The following CREBBP variants were observed in gnomAD, a reference collection of about 807,000 sequenced individuals.
The protein encoded by CREBBP is CREB-binding protein.
In CREBBP, 19 loss-of-function variants were observed where a neutral mutation model predicts 265.0. The ratio of observed to expected loss-of-function variants is 0.07; its 90% CI spans 0.05 to 0.11. CREBBP has a LOEUF of 0.11. Ranked by LOEUF, CREBBP falls within the 10% of genes least tolerant of loss-of-function variation. The pLI is 1.00. For missense variants in CREBBP, 2,525 were observed against 3,219.0 expected, an observed-to-expected ratio of 0.78 and a Z score of 5.22; for synonymous variants, 1,457 against 1,223.7, an observed-to-expected ratio of 1.19 and a Z score of -3.98.
chr16:3,855,415 C>T (rs1373503072), intron 1 of CREBBP, among the ~76,000 whole-genome samples: 3 of 152,172 alleles, frequency 2.0e-5, no homozygotes, highest in Non-Finnish European at 4.4e-5. Flanking sequence ...CAGGCGTGCA[C>T]CACCGCACCC....
Position 3,782,733 on chromosome 16 carries a change from T to C in CREBBP, c.1524A>G (p.Gln508=). 1 of 1,614,178 alleles carries C rather than the reference T, an allele frequency of 6.2e-7. No homozygotes were observed. The highest frequency in any genetic ancestry group is 1.1e-5 in the South Asian group (1 of 91,086). ...GCTGGTGGGTTTGAGGCTGTGCTGG[T>C]TGCTGGCCAGGAACCTGAGGCTGCA... ...TQLQPQVPGQ[Q]PAQPQTHQQM... is the part of the protein sequence containing the mutation. The change falls in exon 6 of 31, where the codon CAA becomes CAG. Residue 508 remains glutamine (Q), a synonymous_variant. Transcript: ENST00000262367.
At chr16:3,799,397 T>G (rs2053669530) in intron 3 of CREBBP, among the ~76,000 whole-genome samples, 1 of 152,270 alleles carries the variant, frequency 6.6e-6, no homozygotes, top group Non-Finnish European at 1.5e-5. Flanking sequence ...ATGTTTAATC[T>G]ATCTATATGG....
intron 2 of CREBBP, among the ~76,000 whole-genome samples, chr16:3,811,369 C>T (rs1255597416): frequency 1.3e-5 from 2 of 152,174 alleles, no homozygotes; most frequent in Non-Finnish European, 2.9e-5. Context: ...CTCTGCCAAC[C>T]AAGAGATCAA....
At chr16:3,822,104 T>C (rs896752447) in intron 2 of CREBBP, among the ~76,000 whole-genome samples, 12 of 152,156 alleles carry the variant, frequency 7.9e-5, no homozygotes, top group South Asian at 4.1e-4. Context: ...TAATTTACAC[T>C]GCAATCCAAC....
chr16:3,816,049 C>A (rs543978732), intron 2 of CREBBP, among the ~76,000 whole-genome samples: 1 of 152,128 alleles, frequency 6.6e-6, no homozygotes, highest in Non-Finnish European at 1.5e-5. Context: ...ACAGCCCATA[C>A]ATATTAGAAG....
rs1190355453 is a variant in CREBBP, at chr16:3,726,869, G to A, written c.*849C>T. ...ACAATATGATATAAGAAATGAGTTG[G>A]TATTTTACCATTCTATACAGTGATT... On this transcript the variant is annotated 3_prime_UTR_variant, in exon 31 of 31. Transcript: ENST00000262367. 1 of 233,436 alleles carries A rather than the reference G, an allele frequency of 4.3e-6. No individual in the cohort carries two copies. Among genetic ancestry groups the A allele is most frequent in the African/African-American group, 2.2e-5 (1 of 45,316 alleles). 14.5% of individuals were successfully genotyped at this position (233,436 alleles called of 1,614,324 possible).
intron 18 of CREBBP, 78 bp from the exon 19 acceptor site, chr16:3,757,454 G>T: frequency 8.5e-7 from 1 of 1,179,730 alleles, no homozygotes; most frequent in Non-Finnish European, 1.2e-6. Context: ...GTCTACTATA[G>T]AGACTAGTAA....
At chr16:3,733,753 T>C (rs549751287) in intron 28 of CREBBP, among the ~76,000 whole-genome samples, 12 of 152,266 alleles carry the variant, frequency 7.9e-5, no homozygotes, top group African/African-American at 2.6e-4. Flanking sequence ...GTGATTCTCC[T>C]GCCTCAGCCT....
In CREBBP at chr16:3,802,114, A is replaced by ATTTTTTTTTTTTTTTTTTT. The variant is rs71133657; in HGVS notation, c.975+8470_975+8488dup. On this transcript the variant is annotated intron_variant, in intron 3 of 30. Coordinates refer to ENST00000262367, the MANE Select transcript of CREBBP (RefSeq NM_004380.3). ...TTTATATTTACTCTGGTATTCCTTA[A>ATTTTTTTTTTTTTTTTTTT]TTTTTTTTTTTTTTTTTTTTTTTTT... Among the ~76,000 whole-genome samples, 10 of 50,580 alleles carry ATTTTTTTTTTTTTTTTTTT rather than the reference A, an allele frequency of 2.0e-4. 3 individuals carry two copies. Among genetic ancestry groups the ATTTTTTTTTTTTTTTTTTT allele is most frequent in the African/African-American group, 7.4e-4 (8 of 10,782 alleles). 33.2% of individuals were successfully genotyped at this position (50,580 alleles called of 152,430 possible).
chr16:3,838,556 C>A (rs1055094179), intron 2 of CREBBP, among the ~76,000 whole-genome samples: 29 of 152,026 alleles, frequency 1.9e-4, no homozygotes, highest in African/African-American at 6.8e-4. Context: ...AAATACTACT[C>A]CAACTTTGAC....
chr16:3,737,333 G>C (rs2052088102), intron 26 of CREBBP, among the ~76,000 whole-genome samples: 1 of 152,238 alleles, frequency 6.6e-6, no homozygotes, highest in African/African-American at 2.4e-5. Flanking sequence ...ATACGCTGCA[G>C]GGTTCCGTTT....
chr16:3,771,968 G>A (rs2141208444), intron 13 of CREBBP, among the ~76,000 whole-genome samples: 1 of 151,930 alleles, frequency 6.6e-6, no homozygotes, highest in South Asian at 2.1e-4. Flanking sequence ...GCAATACCAT[G>A]CCTAGCTAAT....
At chr16:3,777,723 G>T (rs1311566015) in intron 10 of CREBBP, 66 bp from the exon 11 acceptor site, 2 of 1,579,102 alleles carry the variant, frequency 1.3e-6, no homozygotes, top group African/African-American at 2.7e-5. Flanking sequence ...CTTGATTCAG[G>T]AATAGGAAAT....
Position 3,770,159 on chromosome 16 carries a change from C to T in CREBBP, c.2880+411G>A, listed in dbSNP as rs183098297. 1.2e-4 allele frequency among the ~76,000 whole-genome samples: 18 copies of T among 152,270 alleles called. No individual in the cohort carries two copies. In the East Asian group the frequency reaches 1.9e-3, roughly 16 times the overall value. ...TAGTGGGATTACAGGCGTGAACCAC[C>T]GCGCCCAGCCTCAATGGAGTTTTAA... On this transcript the variant is annotated intron_variant, in intron 14 of 30. Transcript: ENST00000262367.
chr16:3,776,263 T>C (rs2053136090), intron 11 of CREBBP, among the ~76,000 whole-genome samples: 1 of 152,142 alleles, frequency 6.6e-6, no homozygotes, highest in African/African-American at 2.4e-5. Flanking sequence ...GCAAAGCCTC[T>C]TTCCTTAGAG....
intron 10 of CREBBP, 49 bp from the exon 11 acceptor site, chr16:3,777,706 T>C (rs761118358): frequency 1.0e-5 from 16 of 1,601,834 alleles, no homozygotes; most frequent in Middle Eastern, 1.6e-4. Flanking sequence ...AGTTATTTAA[T>C]ATAATCCTTG....
intron 1 of CREBBP, among the ~76,000 whole-genome samples, chr16:3,871,288 G>A (rs1031641931): frequency 5.9e-5 from 9 of 151,816 alleles, no homozygotes; most frequent in Admixed American, 3.9e-4. Context: ...CAGCGCTGCC[G>A]AGCTGGGAGC....
intron 3 of CREBBP, among the ~76,000 whole-genome samples, chr16:3,800,838 TA>T (rs1467847719): frequency 1.3e-5 from 2 of 152,220 alleles, no homozygotes; most frequent in African/African-American, 4.8e-5. Context: ...GAGGCTAGAT[TA>T]CATAAAGACT....
chr16:3,771,622 A>C (rs1290384537), intron 13 of CREBBP, among the ~76,000 whole-genome samples: 1 of 151,950 alleles, frequency 6.6e-6, no homozygotes, highest in Non-Finnish European at 1.5e-5. Context: ...GATAGTACTG[A>C]ACCCAATATT....
Sources: allele counts gnomAD v4.1 joint callset (sites outside exome capture counted in the v4.1 genomes callset), GRCh38; gene constraint gnomAD v4.1.1; transcripts MANE v1.5; gene names NCBI Gene and HGNC (gene_info 2026-07-23, HGNC 2026-07-21).